Variants in ZMYND8 observed in about 807,000 individuals in gnomAD.
ZMYND8 encodes MYND-type zinc finger-containing chromatin reader ZMYND8.
A neutral mutation model predicts 140.8 loss-of-function variants in ZMYND8; 37 were observed. That is an observed-to-expected ratio of 0.26 (90% CI 0.20 to 0.35). The LOEUF is 0.35. Ranked by LOEUF, ZMYND8 falls within the 10% of genes least tolerant of loss-of-function variation. The pLI is 1.00. For missense variants in ZMYND8, 1,068 were observed against 1,570.0 expected (o/e 0.68, Z 5.40); for synonymous variants, 592 against 597.1 (o/e 0.99, Z 0.12).
At chr20:47,288,237 T>C (rs1238812895) in intron 7 of ZMYND8, among the ~76,000 whole-genome samples, 1 of 152,212 alleles carries the variant, frequency 6.6e-6, no homozygotes, top group Non-Finnish European at 1.5e-5. Context: ...GTAGGAGTTT[T>C]CTGTTCTCCA....
chr20:47,241,294 CA>C (rs11476591), intron 14 of ZMYND8, among the ~76,000 whole-genome samples: 8,916 of 62,088 alleles, frequency 0.14, 358 homozygotes, highest in African/African-American at 0.31. Context: ...GACTCCGTCT[CA>C]AAAAAAAAAA....
At chr20:47,263,383 T>C in intron 11 of ZMYND8, among the ~76,000 whole-genome samples, 1 of 152,242 alleles carries the variant, frequency 6.6e-6, no homozygotes, top group Non-Finnish European at 1.5e-5. Context: ...AGTTAGGAAC[T>C]GAGACTCCCC....
intron 3 of ZMYND8, among the ~76,000 whole-genome samples, chr20:47,303,861 C>T (rs906614676): frequency 2.0e-5 from 3 of 152,190 alleles, no homozygotes; most frequent in Non-Finnish European, 4.4e-5. Flanking sequence ...GGCTGGCTGC[C>T]CCTAGGAGGA....
At chr20:47,325,937 AATTTT>A (rs764985646) in intron 2 of ZMYND8, among the ~76,000 whole-genome samples, 38 of 151,460 alleles carry the variant, frequency 2.5e-4, no homozygotes, top group Non-Finnish European at 4.7e-4. Context: ...ACACCCAGCT[AATTTT>A]ATTTTATTTT....
At chr20:47,341,343 A>G (rs1390214734) in intron 2 of ZMYND8, among the ~76,000 whole-genome samples, 2 of 151,806 alleles carry the variant, frequency 1.3e-5, no homozygotes, top group African/African-American at 4.8e-5. Context: ...CCTGGCTAAC[A>G]TGGCAAAACC....
chr20:47,254,379 T>C (rs573582181), intron 12 of ZMYND8, among the ~76,000 whole-genome samples: 30 of 152,328 alleles, frequency 2.0e-4, no homozygotes, highest in African/African-American at 6.7e-4. Context: ...ATTTATCCTA[T>C]GGATTACCCT....
intron 10 of ZMYND8, among the ~76,000 whole-genome samples, chr20:47,281,490 T>C (rs1171177841): frequency 6.6e-6 from 1 of 152,214 alleles, no homozygotes; most frequent in Admixed American, 6.5e-5. Flanking sequence ...GCCTACCTGT[T>C]GTTCTCAAGC....
chr20:47,254,041 C>T (rs6018365), intron 12 of ZMYND8, among the ~76,000 whole-genome samples: 99,802 of 152,122 alleles, frequency 0.66, 34,150 homozygotes, highest in African/African-American at 0.87. Flanking sequence ...CATTTGACTC[C>T]CCCCTCCTCC....
intron 21 of ZMYND8, among the ~76,000 whole-genome samples, chr20:47,213,673 C>T (rs1283207963): frequency 1.3e-5 from 2 of 152,168 alleles, no homozygotes; most frequent in African/African-American, 4.8e-5. Context: ...TCAAGAGATA[C>T]TGTCTGTAGC....
chr20:47,233,067 G>A (rs756152718), intron 16 of ZMYND8, among the ~76,000 whole-genome samples: 7 of 151,532 alleles, frequency 4.6e-5, no homozygotes, highest in Non-Finnish European at 1.0e-4. Flanking sequence ...CTACCACACC[G>A]GGCCAATTTT....
chr20:47,302,465 A>G (rs931777755), intron 3 of ZMYND8, among the ~76,000 whole-genome samples: 1 of 152,184 alleles, frequency 6.6e-6, no homozygotes, highest in Non-Finnish European at 1.5e-5. Context: ...TCAAAAAAAT[A>G]TATATCTATG....
At chr20:47,291,268 G>A (rs1170426058) in intron 6 of ZMYND8, among the ~76,000 whole-genome samples, 1 of 152,206 alleles carries the variant, frequency 6.6e-6, no homozygotes, top group African/African-American at 2.4e-5. Context: ...ATCAGCATCA[G>A]AATAATGTGC....
rs184594685 is a variant in ZMYND8 at position 47,263,350 on chromosome 20, G to A, written c.1481-922C>T. Among the ~76,000 whole-genome samples the A allele has an allele frequency of 4.6e-3, 701 of 152,344 alleles. 5 individuals carry two copies. Among genetic ancestry groups the A allele is most frequent in the African/African-American group, 0.016 (675 of 41,586 alleles). The stretch of plus-strand genomic sequence containing the variant: ...TTCTGAGTTGATCTGGTGCTGGAAA[G>A]AAATTTGTGGATGGCAAATTGGAGT... On this transcript the variant is annotated intron_variant, in intron 11 of 22. Transcript: ENST00000471951.
At chr20:47,269,539 C>A (rs1457982198) in intron 11 of ZMYND8, among the ~76,000 whole-genome samples, 1 of 152,184 alleles carries the variant, frequency 6.6e-6, no homozygotes, top group African/African-American at 2.4e-5. Flanking sequence ...TCTGAAGTCA[C>A]AAATAATTTT....
chr20:47,353,994 T>A (rs1602214853), intron 1 of ZMYND8: 1 of 152,158 alleles, frequency 6.6e-6, no homozygotes, highest in Admixed American at 6.5e-5. Flanking sequence ...AAAGCTAGAG[T>A]AGAAGAACCC....
At position 47,223,750 on chromosome 20, in the gene ZMYND8, C is replaced by T. The variant is rs576192587; in HGVS notation, c.3256+567G>A. Among the ~76,000 whole-genome samples, 13 of 151,042 alleles carry T rather than the reference C, an allele frequency of 8.6e-5. 1 individual carries two copies. The highest frequency in any genetic ancestry group is 3.2e-4 in the African/African-American group (13 of 41,048). ...CTGAGGCAGGAGAATCGCTTGAACC[C>T]GGAAGGCAGAGGTTGCACTAAGCCG... On this transcript the variant is annotated intron_variant, in intron 19 of 22. Transcript: ENST00000471951.
chr20:47,248,528 T>G (rs940845133), intron 13 of ZMYND8, among the ~76,000 whole-genome samples: 60 of 152,208 alleles, frequency 3.9e-4, no homozygotes, highest in African/African-American at 1.4e-3. Context: ...CCCACTTCTT[T>G]ACAAATGCCC....
chr20:47,256,318 T>A (rs1309011877), intron 12 of ZMYND8, among the ~76,000 whole-genome samples: 1 of 151,598 alleles, frequency 6.6e-6, no homozygotes, highest in Non-Finnish European at 1.5e-5. Context: ...TGTCTCTATA[T>A]TATTTTTTAA....
chr20:47,260,709 A>G (rs2075092889), intron 12 of ZMYND8, among the ~76,000 whole-genome samples: 1 of 152,124 alleles, frequency 6.6e-6, no homozygotes, highest in African/African-American at 2.4e-5. Context: ...GACATCCATC[A>G]TGGTGTGAAC....
Sources: gnomAD v4.1 joint callset for allele counts (sites outside exome capture counted in the v4.1 genomes callset) on GRCh38, gnomAD v4.1.1 for gene constraint, MANE v1.5 for transcripts, NCBI Gene and HGNC (gene_info 2026-07-23, HGNC 2026-07-21) for gene names.